EREG: variants seen among roughly 807,000 people sequenced by gnomAD.
EREG encodes the protein proepiregulin.
A neutral mutation model predicts 22.4 loss-of-function variants in EREG; 23 were observed. The ratio of observed to expected loss-of-function variants is 1.03; its 90% CI spans 0.74 to 1.46. The LOEUF is 1.46. Ranked by LOEUF, EREG falls within the 40% of genes most tolerant of loss-of-function variation. The pLI, the probability that EREG is intolerant of heterozygous loss-of-function variation, is 0.00. For missense variants in EREG, 226 were observed against 205.9 expected (o/e 1.10, Z -0.60); for synonymous variants, 100 against 75.4 (o/e 1.33, Z -1.69).
chr4:74,377,487 C>G (rs1465467473), intron 1 of EREG, among the ~76,000 whole-genome samples: 1 of 152,122 alleles, frequency 6.6e-6, no homozygotes, highest in South Asian at 2.1e-4. Flanking sequence ...TTAGTTTTCT[C>G]TAATGGGGAT....
chr4:74,381,276 T>C, intron 3 of EREG, 139 bp downstream of exon 3: 1 of 677,768 alleles, frequency 1.5e-6, no homozygotes, highest in Non-Finnish European at 2.4e-6. Context: ...TCAAATAGTG[T>C]GCATGGAACC....
intron 4 of EREG, among the ~76,000 whole-genome samples, chr4:74,383,958 C>A (rs1752524351): frequency 6.6e-6 from 1 of 152,124 alleles, no homozygotes; most frequent in Non-Finnish European, 1.5e-5. Context: ...GAGTGAAGAA[C>A]AAATTCTTTC....
chr4:74,369,335 A>C (rs1752252476), intron 1 of EREG, among the ~76,000 whole-genome samples: 1 of 152,032 alleles, frequency 6.6e-6, no homozygotes, highest in Non-Finnish European at 1.5e-5. Context: ...TCTAAAGTCC[A>C]TTATATCACT....
intron 1 of EREG, among the ~76,000 whole-genome samples, chr4:74,370,243 C>T (rs183551455): frequency 2.0e-5 from 3 of 152,288 alleles, no homozygotes; most frequent in East Asian, 3.9e-4. Flanking sequence ...TCACACCACA[C>T]ATCACACTGT....
At chr4:74,376,379 G>A (rs1175154409) in intron 1 of EREG, among the ~76,000 whole-genome samples, 1 of 152,222 alleles carries the variant, frequency 6.6e-6, no homozygotes, top group Non-Finnish European at 1.5e-5. Flanking sequence ...GAATAGGAAT[G>A]TCAAGGATGT....
intron 1 of EREG, among the ~76,000 whole-genome samples, chr4:74,377,316 C>T (rs1752398984): frequency 6.6e-6 from 1 of 152,040 alleles, no homozygotes; most frequent in African/African-American, 2.4e-5. Context: ...TAATTTGTGG[C>T]CTCTATGTTG....
intron 1 of EREG, among the ~76,000 whole-genome samples, chr4:74,374,866 T>C (rs1005372011): frequency 3.9e-5 from 6 of 152,160 alleles, no homozygotes; most frequent in African/African-American, 1.4e-4. Context: ...GAGAGATATA[T>C]AGGTGAGGTT....
At chr4:74,376,997 T>C in intron 1 of EREG, among the ~76,000 whole-genome samples, 1 of 152,078 alleles carries the variant, frequency 6.6e-6, no homozygotes, top group Non-Finnish European at 1.5e-5. Context: ...AAAAATAAAA[T>C]TCTTGTATTA....
At chr4:74,365,491 T>C in intron 1 of EREG, 116 bp downstream of exon 1, 2 of 795,802 alleles carry the variant, frequency 2.5e-6, no homozygotes, top group Non-Finnish European at 1.9e-6. Context: ...GTGTGCTCTA[T>C]TTAAAATTAC....
chr4:74,366,399 T>G (rs1236141961), intron 1 of EREG, among the ~76,000 whole-genome samples: 1 of 152,180 alleles, frequency 6.6e-6, no homozygotes, highest in Non-Finnish European at 1.5e-5. Flanking sequence ...TTGAGAGACC[T>G]AATGAAATGC....
chr4:74,369,685 C>T (rs1045948188), intron 1 of EREG, among the ~76,000 whole-genome samples: 2 of 151,954 alleles, frequency 1.3e-5, no homozygotes, highest in African/African-American at 4.8e-5. Flanking sequence ...ACACACACAT[C>T]TTTATATATG....
chr4:74,369,153 T>A (rs1331373226), intron 1 of EREG, among the ~76,000 whole-genome samples: 3 of 152,236 alleles, frequency 2.0e-5, no homozygotes, highest in Non-Finnish European at 2.9e-5. Flanking sequence ...TCTCCTTTTT[T>A]AAAAATTTCA....
chr4:74,371,292 T>A (rs72859334), intron 1 of EREG, among the ~76,000 whole-genome samples: 11,438 of 152,156 alleles, frequency 0.075, 755 homozygotes, highest in African/African-American at 0.17. Flanking sequence ...TTAATGATAA[T>A]CTGGATACAA....
intron 1 of EREG, among the ~76,000 whole-genome samples, 165 bp from the exon 2 acceptor site, chr4:74,379,283 T>G (rs1752434482): frequency 6.6e-6 from 1 of 152,236 alleles, no homozygotes. Flanking sequence ...GGAGTTTGTA[T>G]TTTCTGTTAC....
chr4:74,381,118 A>C lies in EREG; in HGVS notation c.259A>C (p.Met87Leu), dbSNP rs964195523. The change falls in exon 3 of 5, where the codon ATG becomes CTG. Residue 87 changes from methionine (M) to leucine (L), a missense_variant. Transcript: ENST00000244869. ...TGGACAGTGCATCTATCTGGTGGACATGAGTCAAAACTACTGCAGGTAATA... is the reference window on the plus strand; with the variant it reads ...TGGACAGTGCATCTATCTGGTGGACCTGAGTCAAAACTACTGCAGGTAATA... Reference protein sequence around the residue: ...LHGQCIYLVDMSQNYCRCEVG... With the variant: ...LHGQCIYLVDLSQNYCRCEVG... The C allele has an allele frequency of 2.5e-6, 4 of 1,612,526 alleles. 1 individual carries two copies. Among genetic ancestry groups the C allele is most frequent in the Non-Finnish European group, 3.4e-6 (4 of 1,179,518 alleles).
At chr4:74,375,030 T>C (rs942879261) in intron 1 of EREG, among the ~76,000 whole-genome samples, 6 of 152,144 alleles carry the variant, frequency 3.9e-5, no homozygotes, top group African/African-American at 1.2e-4. Context: ...TTCCTCTGTA[T>C]CTTAGTTACC....
At position 74,384,747 on chromosome 4, in the gene EREG, A is replaced by C. The variant is rs1752540577; in HGVS notation, c.449A>C (p.Lys150Thr). 1.2e-6 allele frequency: 2 copies of C among 1,612,390 alleles called. No individual in the cohort carries two copies. The highest frequency in any genetic ancestry group is 1.7e-6 in the Non-Finnish European group (2 of 1,178,718). The part of the protein sequence containing the change: ...FCRWYRNRKS[K>T]EPKKEYERVT... ...TCCAGGTACAGAAATCGAAAAAGTA[A>C]AGAACCAAAGAAGGAATATGAGAGA... Residue 150 changes from lysine (K) to threonine (T), a missense_variant, in exon 5 of 5, where the codon AAA (lysine) becomes ACA (threonine). Physicochemically the swap from Lys to Thr is moderately conservative, Grantham distance 78. Coordinates refer to ENST00000244869, the MANE Select transcript of EREG (RefSeq NM_001432.3).
At chr4:74,374,525 AG>A (rs1262908393) in intron 1 of EREG, among the ~76,000 whole-genome samples, 7 of 152,256 alleles carry the variant, frequency 4.6e-5, no homozygotes, top group Non-Finnish European at 1.0e-4. Context: ...CAAATGAGTA[AG>A]AGCCTCGAAA....
At chr4:74,384,568 C>G in intron 4 of EREG, among the ~76,000 whole-genome samples, 159 bp from the exon 5 acceptor site, 1 of 96,048 alleles carries the variant, frequency 1.0e-5, no homozygotes, top group East Asian at 2.8e-4. Flanking sequence ...CTCTTCATCC[C>G]TCTTTTTTTT....
Sources: gnomAD v4.1 joint callset for allele counts (sites outside exome capture counted in the v4.1 genomes callset) on GRCh38, gnomAD v4.1.1 for gene constraint, MANE v1.5 for transcripts, NCBI Gene and HGNC (gene_info 2026-07-23, HGNC 2026-07-21) for gene names.